PTCHD4: variants seen among roughly 807,000 people sequenced by gnomAD.
PTCHD4 encodes patched domain-containing protein 4.
Under a neutral mutation model 58.1 loss-of-function variants are expected in PTCHD4, and 33 were observed. The observed-to-expected ratio is 0.57, with a 90% CI of 0.43 to 0.76. PTCHD4 has a LOEUF of 0.76. Among genes scored for constraint, PTCHD4 ranks in the 30% least tolerant of loss-of-function variants. PTCHD4 has a pLI of 0.00. For synonymous variants in PTCHD4, 478 were observed against 409.6 expected (o/e 1.17, Z -2.02); for missense variants, 1,058 against 1,027.1 (o/e 1.03, Z -0.41).
intron 4 of PTCHD4, among the ~76,000 whole-genome samples, chr6:47,953,862 A>T (rs569051899): frequency 6.6e-6 from 1 of 152,208 alleles, no homozygotes; most frequent in Non-Finnish European, 1.5e-5. Context: ...CAAATGCTAC[A>T]TCTCATAATA....
intron 1 of PTCHD4, among the ~76,000 whole-genome samples, chr6:48,106,390 A>G (rs889344479): frequency 6.6e-6 from 1 of 152,210 alleles, no homozygotes; most frequent in Non-Finnish European, 1.5e-5. Context: ...GACCTTTGAC[A>G]AAATTCAACA....
intron 4 of PTCHD4, among the ~76,000 whole-genome samples, chr6:48,004,459 T>C (rs1768872402): frequency 6.6e-6 from 1 of 152,148 alleles, no homozygotes; most frequent in Non-Finnish European, 1.5e-5. Flanking sequence ...TATTAGCCCA[T>C]ATTTCTTCTT....
At position 47,940,549 on chromosome 6, in the gene PTCHD4, G is replaced by T. The variant is rs149656505; in HGVS notation, c.899-60613C>A. Among the ~76,000 whole-genome samples the T allele has an allele frequency of 8.9e-4, 136 of 152,278 alleles. 2 individuals are homozygous for T. The Middle Eastern group carries it at 0.024, about 27-fold the overall frequency. Reference sequence around the variant, plus strand: ...ATACCATAAAGCATTAGCCTTTCTAGGTCATTGTACTGCATCTGAGCCTAA... The same window carrying T: ...ATACCATAAAGCATTAGCCTTTCTATGTCATTGTACTGCATCTGAGCCTAA... On this transcript the variant is annotated intron_variant, in intron 4 of 4. Transcript: ENST00000339488.
chr6:48,002,358 T>C (rs568452390), intron 4 of PTCHD4, among the ~76,000 whole-genome samples: 10 of 151,946 alleles, frequency 6.6e-5, no homozygotes, highest in Admixed American at 1.3e-4. Context: ...TGGAACCAAC[T>C]CAAATGTCCA....
intron 1 of PTCHD4, among the ~76,000 whole-genome samples, chr6:48,075,318 C>T (rs999546099): frequency 1.3e-5 from 2 of 152,138 alleles, no homozygotes; most frequent in African/African-American, 2.4e-5. Flanking sequence ...CCTGTAGACA[C>T]TCACTTTTGT....
chr6:47,991,513 G>C (rs1388838397), intron 4 of PTCHD4, among the ~76,000 whole-genome samples: 1 of 152,098 alleles, frequency 6.6e-6, no homozygotes, highest in Non-Finnish European at 1.5e-5. Context: ...TGGAAGGTCA[G>C]AGATGTAAGA....
chr6:47,937,569 C>T (rs1766048444), intron 4 of PTCHD4, among the ~76,000 whole-genome samples: 2 of 152,118 alleles, frequency 1.3e-5, no homozygotes, highest in Admixed American at 6.6e-5. Flanking sequence ...GTCCATTAGG[C>T]ATCAAATGGC....
intron 4 of PTCHD4, among the ~76,000 whole-genome samples, chr6:47,998,071 G>T (rs1768571383): frequency 6.6e-6 from 1 of 151,992 alleles, no homozygotes; most frequent in African/African-American, 2.4e-5. Flanking sequence ...ATTCAGTACT[G>T]CAGAAAAAAA....
In PTCHD4 at chr6:47,874,455, T is replaced by C. The variant is rs1763794984; in HGVS notation, c.*3848A>G. On this transcript the variant is annotated 3_prime_UTR_variant, in exon 5 of 5. Coordinates refer to ENST00000339488, the MANE Select transcript of PTCHD4 (RefSeq NM_001384253.1). ...CTATTTGGTCATAAAAATATGTGAC[T>C]GTAATTATGATATTTACAGTCAACT... 2.6e-5 allele frequency among the ~76,000 whole-genome samples: 4 copies of C among 151,898 alleles called. No homozygotes were observed. In the South Asian group the frequency reaches 8.3e-4, roughly 32 times the overall value.
At chr6:48,085,894 G>A (rs193214753) in intron 1 of PTCHD4, among the ~76,000 whole-genome samples, 2 of 152,078 alleles carry the variant, frequency 1.3e-5, no homozygotes, top group Admixed American at 6.5e-5. Flanking sequence ...CTGAGCTATC[G>A]TGTCATTGCT....
chr6:47,887,241 T>C (rs1029800949), intron 4 of PTCHD4, among the ~76,000 whole-genome samples: 2 of 149,536 alleles, frequency 1.3e-5, no homozygotes, highest in Non-Finnish European at 3.0e-5. Flanking sequence ...TTATGTAATT[T>C]ACTCTATACA....
At chr6:48,006,987 C>T (rs1762460061) in intron 4 of PTCHD4, among the ~76,000 whole-genome samples, 1 of 152,112 alleles carries the variant, frequency 6.6e-6, no homozygotes, top group African/African-American at 2.4e-5. Flanking sequence ...GCCTGTAATC[C>T]CAGCACTTTG....
At chr6:47,934,267 G>C (rs932669633) in intron 4 of PTCHD4, among the ~76,000 whole-genome samples, 6 of 152,096 alleles carry the variant, frequency 3.9e-5, no homozygotes, top group African/African-American at 1.4e-4. Context: ...CTGGCTCTGA[G>C]AGAGTTCCTG....
At chr6:47,900,881 A>G (rs7764601) in intron 4 of PTCHD4, 110,274 of 151,990 alleles carry the variant, frequency 0.73, 40,170 homozygotes, top group East Asian at 0.84. Context: ...TGGGCCGGGC[A>G]TGGTGGCTCA....
chr6:48,040,079 C>T (rs898257299), intron 3 of PTCHD4, among the ~76,000 whole-genome samples: 5 of 152,018 alleles, frequency 3.3e-5, no homozygotes, highest in Admixed American at 1.3e-4. Flanking sequence ...AGAGAATGGG[C>T]AACCTTTAAG....
chr6:47,877,571 T>C lies in PTCHD4; in HGVS notation c.*732A>G, dbSNP rs955798124. On this transcript the variant is annotated 3_prime_UTR_variant, in exon 5 of 5. Transcript: ENST00000339488. ...ATATGCATAATCTAATGAACTCACATCTCTGTTTATTTTGCTCATCCCACA... is the reference window on the plus strand; with the variant it reads ...ATATGCATAATCTAATGAACTCACACCTCTGTTTATTTTGCTCATCCCACA... Among the ~76,000 whole-genome samples the C allele has an allele frequency of 6.6e-6, 1 of 152,030 alleles. No homozygotes were observed. The highest frequency in any genetic ancestry group is 1.5e-5 in the Non-Finnish European group (1 of 67,962).
chr6:48,043,138 A>G (rs1278854136), intron 3 of PTCHD4, among the ~76,000 whole-genome samples: 1 of 151,926 alleles, frequency 6.6e-6, no homozygotes, highest in African/African-American at 2.4e-5. Context: ...AGGCTCAAAC[A>G]CACACACAAA....
intron 4 of PTCHD4, among the ~76,000 whole-genome samples, chr6:47,996,563 G>A (rs1381403257): frequency 6.6e-6 from 1 of 152,186 alleles, no homozygotes; most frequent in Non-Finnish European, 1.5e-5. Context: ...GAGCCAAGGA[G>A]CCTGGGAGGC....
intron 4 of PTCHD4, among the ~76,000 whole-genome samples, chr6:47,947,457 C>A (rs1038404619): frequency 4.6e-5 from 7 of 151,906 alleles, no homozygotes; most frequent in Admixed American, 2.0e-4. Context: ...GAATTACATT[C>A]ATTAGCTCCT....
Sources: gnomAD v4.1 joint callset for allele counts (sites outside exome capture counted in the v4.1 genomes callset) on GRCh38, gnomAD v4.1.1 for gene constraint, MANE v1.5 for transcripts, NCBI Gene and HGNC (gene_info 2026-07-23, HGNC 2026-07-21) for gene names.